The following MYO1B variants were observed in gnomAD, a reference collection of about 807,000 sequenced individuals.
The protein encoded by MYO1B is unconventional myosin-Ib.
MYO1B carries 72 observed loss-of-function variants against 159.7 expected under a neutral mutation model. The observed-to-expected ratio is 0.45, with a 90% confidence interval of 0.37 to 0.55. The LOEUF (loss-of-function observed/expected upper bound fraction) is 0.55, where lower values mean the gene tolerates loss of function less well. MYO1B is among the 20% of genes least tolerant of loss of function. The pLI is 0.00. For synonymous variants in MYO1B, 468 were observed against 473.8 expected, an observed-to-expected ratio of 0.99 and a Z score of 0.16; for missense variants, 1,062 against 1,364.8, an observed-to-expected ratio of 0.78 and a Z score of 3.50.
intron 11 of MYO1B, among the ~76,000 whole-genome samples, chr2:191,366,552 G>A (rs1173164156): frequency 6.6e-6 from 1 of 151,912 alleles, no homozygotes; most frequent in Non-Finnish European, 1.5e-5. Flanking sequence ...CTTTTCCCAA[G>A]GCATTTAGAC....
rs539745248 is a variant in MYO1B at position 191,271,002 on chromosome 2, A to G, written c.-9-5885A>G. Among the ~76,000 whole-genome samples the G allele has an allele frequency of 3.9e-5, 6 of 152,338 alleles. No homozygotes were observed. The South Asian group carries it at 1.0e-3, about 26-fold the overall frequency. ...ACTCAGTTGTCAATCGGAAATTTGC[A>G]TACTTGTTTTCCCTTTGTATATCAC... On this transcript the variant is annotated intron_variant, in intron 1 of 30. Coordinates refer to ENST00000392318, the MANE Select transcript of MYO1B (RefSeq NM_001130158.3).
At chr2:191,342,441 AC>A (rs1302803346) in intron 5 of MYO1B, among the ~76,000 whole-genome samples, 5 of 152,220 alleles carry the variant, frequency 3.3e-5, no homozygotes, top group African/African-American at 1.2e-4. Flanking sequence ...AGAAAACAAA[AC>A]CAGAAATGAG....
intron 24 of MYO1B, among the ~76,000 whole-genome samples, chr2:191,406,396 T>C (rs1359247444): frequency 1.3e-5 from 2 of 152,236 alleles, no homozygotes; most frequent in African/African-American, 4.8e-5. Flanking sequence ...ACAAGGGTCC[T>C]AGCTTTTGGC....
At chr2:191,247,853 A>G (rs935695539) in intron 1 of MYO1B, 10 of 882,232 alleles carry the variant, frequency 1.1e-5, no homozygotes, top group Non-Finnish European at 1.4e-5. Flanking sequence ...TGGATGCCTG[A>G]TTGTGTGATA....
At chr2:191,358,892 G>A (rs1693476673) in intron 7 of MYO1B, among the ~76,000 whole-genome samples, 2 of 152,242 alleles carry the variant, frequency 1.3e-5, no homozygotes, top group Admixed American at 1.3e-4. Context: ...TCCAGCTGGT[G>A]CTAAACTTCT....
rs1697041458 is a variant in MYO1B, at chr2:191,408,147, C to G, written c.2589C>G (p.Ala863=). 6.2e-7 allele frequency: 1 copy of G among 1,613,246 alleles called. No homozygotes were observed. Among genetic ancestry groups the G allele is most frequent in the African/African-American group, 1.3e-5 (1 of 75,018 alleles). Residue 863 remains alanine, a synonymous_variant, in exon 25 of 31, where the codon GCC becomes GCG. Transcript: ENST00000392318. ...GAGAATACAGGAAATTCTTCAGAGCCAATGCTGGAAAGAAAATCTATGAGT... is the reference window on the plus strand; with the variant it reads ...GAGAATACAGGAAATTCTTCAGAGCGAATGCTGGAAAGAAAATCTATGAGT... The part of the protein sequence containing the change: ...VRREYRKFFR[A]NAGKKIYEFT...
intron 1 of MYO1B, among the ~76,000 whole-genome samples, chr2:191,262,243 A>T (rs1686857597): frequency 6.6e-6 from 1 of 152,100 alleles, no homozygotes; most frequent in Non-Finnish European, 1.5e-5. Context: ...TGGGGCAGAC[A>T]CAATCCCACA....
At chr2:191,378,277 GTTTTCTTT>G (rs1056635703) in intron 13 of MYO1B, among the ~76,000 whole-genome samples, 4 of 149,870 alleles carry the variant, frequency 2.7e-5, no homozygotes, top group African/African-American at 1.0e-4. Flanking sequence ...TGTCATGCAT[GTTTTCTTT>G]TTTTCTTTTT....
At chr2:191,266,760 G>A (rs185196806) in intron 1 of MYO1B, among the ~76,000 whole-genome samples, 7 of 152,240 alleles carry the variant, frequency 4.6e-5, no homozygotes, top group Non-Finnish European at 7.4e-5. Flanking sequence ...TTGCCCTTAC[G>A]TCACAAGTGA....
chr2:191,375,340 T>C (rs1299974309), intron 13 of MYO1B, among the ~76,000 whole-genome samples: 1 of 152,226 alleles, frequency 6.6e-6, no homozygotes, highest in Non-Finnish European at 1.5e-5. Flanking sequence ...CTGGCTATAG[T>C]CAGCACCTTC....
chr2:191,346,162 A>G, intron 5 of MYO1B, 74 bp from the exon 6 acceptor site: 1 of 1,113,872 alleles, frequency 9.0e-7, no homozygotes, highest in South Asian at 1.5e-5. Context: ...GATTTCAAAT[A>G]CTGTATTTGC....
At position 191,326,815 on chromosome 2, in the gene MYO1B, T is replaced by TGTGCGC. The variant is rs1193696593; in HGVS notation, c.252-3119_252-3118insTGCGCG. ...GTGTGTGTGTGTGTGTGTGTGTGTG[T>TGTGCGC]GCGCGCGCCATATATGTTACTCATT... On this transcript the variant is annotated intron_variant, in intron 3 of 30. Transcript: ENST00000392318. Among the ~76,000 whole-genome samples, 1,180 of 143,930 alleles carry TGTGCGC rather than the reference T, an allele frequency of 8.2e-3. 5 individuals are homozygous for TGTGCGC. Among genetic ancestry groups the TGTGCGC allele is most frequent in the Middle Eastern group, 0.011 (3 of 280 alleles). 94.4% of individuals were successfully genotyped at this position (143,930 alleles called of 152,430 possible).
intron 1 of MYO1B, among the ~76,000 whole-genome samples, chr2:191,255,549 T>G (rs1686388125): frequency 6.6e-6 from 1 of 152,228 alleles, no homozygotes; most frequent in Non-Finnish European, 1.5e-5. Flanking sequence ...GGTGGGACTC[T>G]ACTCTGAATG....
rs201736671 is a variant in MYO1B, at chr2:191,383,541, CACACACAT to C, written c.1353+201_1353+208del. 3.3e-3 allele frequency among the ~76,000 whole-genome samples: 423 copies of C among 128,098 alleles called. 4 individuals carry two copies. Among genetic ancestry groups the C allele is most frequent in the East Asian group, 0.014 (60 of 4,348 alleles). The allele number at this position is 128,098 out of a possible 152,430, so 84.0% of individuals were successfully genotyped here. A position where few individuals can be genotyped will look rare whatever the true frequency, so the allele number is the denominator to read the frequency against. On this transcript the variant is annotated intron_variant, in intron 15 of 30. Coordinates refer to ENST00000392318, the MANE Select transcript of MYO1B (RefSeq NM_001130158.3). ...ACACACACACACACACACACACACA[CACACACAT>C]ATATATATATGTTAAGGAACTGCAG...
At chr2:191,406,333 T>C (rs1696914985) in intron 24 of MYO1B, among the ~76,000 whole-genome samples, 1 of 152,254 alleles carries the variant, frequency 6.6e-6, no homozygotes, top group Admixed American at 6.5e-5. Flanking sequence ...GGAATAACAC[T>C]TTTAATTTCC....
At chr2:191,401,138 T>C (rs376687365) in intron 23 of MYO1B, among the ~76,000 whole-genome samples, 3 of 141,652 alleles carry the variant, frequency 2.1e-5, no homozygotes, top group African/African-American at 5.1e-5. Flanking sequence ...CCCGCCCCCA[T>C]TGATGAATGC....
chr2:191,370,687 G>A (rs1179285624), intron 13 of MYO1B, among the ~76,000 whole-genome samples: 3 of 152,258 alleles, frequency 2.0e-5, no homozygotes. Context: ...TTGTTAGAAA[G>A]TGTGGCAGGT....
chr2:191,397,119 A>T (rs1187034844), intron 21 of MYO1B, among the ~76,000 whole-genome samples: 1 of 97,912 alleles, frequency 1.0e-5, no homozygotes, highest in African/African-American at 3.6e-5. Context: ...AAGCAAAAGA[A>T]GATGATTTCT....
chr2:191,367,178 A>G (rs1196899546), intron 11 of MYO1B, among the ~76,000 whole-genome samples: 1 of 152,002 alleles, frequency 6.6e-6, no homozygotes, highest in East Asian at 1.9e-4. Flanking sequence ...ACCCCATATT[A>G]GTGGTCCTTA....
Sources: gnomAD v4.1 joint callset for allele counts (sites outside exome capture counted in the v4.1 genomes callset) on GRCh38, gnomAD v4.1.1 for gene constraint, MANE v1.5 for transcripts, NCBI Gene and HGNC (gene_info 2026-07-23, HGNC 2026-07-21) for gene names.